Variants in ABCC4 observed in about 807,000 individuals in gnomAD.
ABCC4 encodes ATP binding cassette subfamily C member 4 (PEL blood group), also known as ATP-binding cassette sub-family C member 4.
ABCC4 carries 102 observed loss-of-function variants against 168.5 expected under a neutral mutation model. The observed-to-expected ratio is 0.61, with a 90% CI of 0.52 to 0.71. The LOEUF (loss-of-function observed/expected upper bound fraction) is 0.71. Ranked by LOEUF, ABCC4 falls within the 30% of genes least tolerant of loss-of-function variation. The pLI is 0.00. For synonymous variants in ABCC4, 617 were observed against 590.7 expected, an observed-to-expected ratio of 1.04 and a Z score of -0.65; for missense variants, 1,402 against 1,605.8, an observed-to-expected ratio of 0.87 and a Z score of 2.17.
At chr13:95,261,955 T>A (rs1424811316) in intron 1 of ABCC4, among the ~76,000 whole-genome samples, 2 of 151,900 alleles carry the variant, frequency 1.3e-5, no homozygotes, top group Non-Finnish European at 2.9e-5. Flanking sequence ...AAAAATTTAA[T>A]TGGCTGGGCA....
intron 27 of ABCC4, 53 bp downstream of exon 27, chr13:95,053,042 A>G (rs1240352566): frequency 1.4e-6 from 2 of 1,459,172 alleles, no homozygotes; most frequent in Non-Finnish European, 1.9e-6. Flanking sequence ...GTAAAGGTAC[A>G]TATACACATA....
chr13:95,044,734 A>G (rs1335381048), intron 27 of ABCC4, among the ~76,000 whole-genome samples: 3 of 152,222 alleles, frequency 2.0e-5, no homozygotes, highest in African/African-American at 7.2e-5. Context: ...GCCTGGGCCA[A>G]TTTCATTAAG....
rs1277148396 is a variant in ABCC4 at position 95,209,439 on chromosome 13, T to G, written c.780A>C (p.Ser260=). 6.2e-7 allele frequency: 1 copy of G among 1,613,944 alleles called. No homozygotes were observed. The highest frequency in any genetic ancestry group is 8.5e-7 in the Non-Finnish European group (1 of 1,179,888). Residue 260 remains serine (S), a synonymous_variant, in exon 6 of 31, where the codon TCA becomes TCC. Coordinates refer to ENST00000645237, the MANE Select transcript of ABCC4 (RefSeq NM_005845.5). ...CACAGCAGTATTTCTCTTACCTCAG[T>G]GATGAGAACAACTTCCCAAAACAGC... is the stretch of plus-strand genomic sequence containing the variant. ...LQSCFGKLFS[S]LRSKTATFTD... is the part of the protein sequence containing the mutation.
chr13:95,187,699 AC>A (rs1337184530), intron 10 of ABCC4, among the ~76,000 whole-genome samples: 6 of 152,220 alleles, frequency 3.9e-5, no homozygotes, highest in East Asian at 3.8e-4. Context: ...ATTTTTAAAT[AC>A]CCAAGAATCG....
Position 95,183,075 on chromosome 13 carries a change from C to CTTT in ABCC4, c.1545+3623_1545+3625dup, listed in dbSNP as rs4148491. Among the ~76,000 whole-genome samples the CTTT allele has an allele frequency of 2.4e-5, 3 of 124,448 alleles. 1 individual carries two copies. The highest frequency in any genetic ancestry group is 8.3e-5 in the Admixed American group (1 of 12,080). 81.6% of individuals were successfully genotyped at this position (124,448 alleles called of 152,430 possible). ...TTAGTTCCTATTTTTTCCTCTAGGA[C>CTTT]TTTTTTTTTTTTTTTTGCGGGGGAG... On this transcript the variant is annotated intron_variant, in intron 11 of 30. Transcript: ENST00000645237.
chr13:95,174,842 C>T (rs1409528075), intron 13 of ABCC4, among the ~76,000 whole-genome samples: 1 of 152,238 alleles, frequency 6.6e-6, no homozygotes, highest in Non-Finnish European at 1.5e-5. Flanking sequence ...GATCAGACTG[C>T]TGCGGCAATG....
rs566079525 is a variant in ABCC4, at chr13:95,200,711, C to T, written c.1162-5774G>A. 6.6e-5 allele frequency among the ~76,000 whole-genome samples: 10 copies of T among 152,124 alleles called. No individual in the cohort carries two copies. The South Asian group carries it at 1.2e-3, about 19-fold the overall frequency. On this transcript the variant is annotated intron_variant, in intron 8 of 30. Coordinates refer to ENST00000645237, the MANE Select transcript of ABCC4 (RefSeq NM_005845.5). ...ACTCCAGCTTGGTGACAGAGCGAGA[C>T]GCCGTCTCAAAACAAAACAAAACAA...
intron 9 of ABCC4, 95 bp downstream of exon 9, chr13:95,194,739 CAT>C: frequency 1.1e-6 from 1 of 880,922 alleles, no homozygotes; most frequent in Non-Finnish European, 1.7e-6. Flanking sequence ...ATAAGCAAGC[CAT>C]ATTTTATACC....
At chr13:95,202,289 C>T (rs545539400) in intron 8 of ABCC4, among the ~76,000 whole-genome samples, 2 of 152,314 alleles carry the variant, frequency 1.3e-5, no homozygotes, top group East Asian at 1.9e-4. Flanking sequence ...TGCAGACTTA[C>T]GTCACCTCCA....
chr13:95,184,061 G>A (rs2037984660), intron 11 of ABCC4, among the ~76,000 whole-genome samples: 1 of 152,226 alleles, frequency 6.6e-6, no homozygotes, highest in South Asian at 2.1e-4. Context: ...ACACATCCAG[G>A]AAGGAACCAA....
intron 1 of ABCC4, among the ~76,000 whole-genome samples, chr13:95,280,572 TAAAAAA>T (rs61654581): frequency 2.3e-5 from 3 of 131,026 alleles, no homozygotes; most frequent in Admixed American, 7.8e-5. Context: ...TGCCTTCTAT[TAAAAAA>T]AAAAAAAAAA....
At chr13:95,083,117 C>T (rs753053326) in intron 21 of ABCC4, 23 bp downstream of exon 21, 30 of 1,611,898 alleles carry the variant, frequency 1.9e-5, no homozygotes, top group Non-Finnish European at 2.5e-5. Context: ...CATGTCTATA[C>T]CAACCCGAGT....
intron 14 of ABCC4, among the ~76,000 whole-genome samples, chr13:95,169,323 A>C (rs2037388803): frequency 6.6e-6 from 1 of 152,172 alleles, no homozygotes; most frequent in South Asian, 2.1e-4. Context: ...ACTTCAAATT[A>C]CTTCTGCTGT....
At chr13:95,193,879 A>G (rs568677728) in intron 9 of ABCC4, among the ~76,000 whole-genome samples, 48 of 152,332 alleles carry the variant, frequency 3.2e-4, no homozygotes, top group Non-Finnish European at 5.6e-4. Flanking sequence ...CTCTGGCATC[A>G]TGCAAGACCC....
intron 30 of ABCC4, 34 bp from the exon 31 acceptor site, chr13:95,021,716 T>C (rs764837657): frequency 2.8e-5 from 41 of 1,486,478 alleles, no homozygotes; most frequent in Non-Finnish European, 3.8e-5. Flanking sequence ...AAAAAGAATG[T>C]TTCAAAATTT....
At chr13:95,129,516 G>A (rs1316285730) in intron 19 of ABCC4, among the ~76,000 whole-genome samples, 1 of 152,076 alleles carries the variant, frequency 6.6e-6, no homozygotes. Context: ...AAGGTTGTAG[G>A]CTATTTGATG....
chr13:95,166,486 A>C, intron 14 of ABCC4, 119 bp from the exon 15 acceptor site: 1 of 823,610 alleles, frequency 1.2e-6, no homozygotes, highest in East Asian at 2.7e-5. Flanking sequence ...TAGGTCCGGA[A>C]TCCTAGTTGA....
At chr13:95,154,588 A>C (rs1035511474) in intron 19 of ABCC4, among the ~76,000 whole-genome samples, 2 of 152,204 alleles carry the variant, frequency 1.3e-5, no homozygotes, top group African/African-American at 4.8e-5. Context: ...GATGACACTG[A>C]GGAAATATTT....
At chr13:95,065,226 A>G (rs1190128020) in intron 25 of ABCC4, among the ~76,000 whole-genome samples, 2 of 152,072 alleles carry the variant, frequency 1.3e-5, no homozygotes, top group Non-Finnish European at 2.9e-5. Context: ...TTGACTCAAT[A>G]CCCTCACTTT....
Sources: gnomAD v4.1 joint callset for allele counts (sites outside exome capture counted in the v4.1 genomes callset) on GRCh38, gnomAD v4.1.1 for gene constraint, MANE v1.5 for transcripts, NCBI Gene and HGNC (gene_info 2026-07-23, HGNC 2026-07-21) for gene names.